Variants in UBE3A observed in about 807,000 individuals in gnomAD.
UBE3A encodes ubiquitin protein ligase E3A, also known as ubiquitin-protein ligase E3A.
Under a neutral mutation model 83.4 loss-of-function variants are expected in UBE3A, and 6 were observed. That is an observed-to-expected ratio of 0.07 (90% CI 0.04 to 0.14). UBE3A has a LOEUF of 0.14. Ranked by LOEUF, UBE3A falls within the 10% of genes least tolerant of loss-of-function variation. The pLI is 1.00. For synonymous variants in UBE3A, 337 were observed against 355.4 expected (o/e 0.95, Z 0.58); for missense variants, 456 against 1,036.1 (o/e 0.44, Z 7.69).
At chr15:25,435,343 C>T (rs1169333635) in intron 1 of UBE3A, among the ~76,000 whole-genome samples, 1 of 152,118 alleles carries the variant, frequency 6.6e-6, no homozygotes. Flanking sequence ...CTTAGCTCAG[C>T]TCATAGAAGC....
rs1203988471 is a variant in UBE3A, at chr15:25,422,181, G to GGAA, written c.-164-10213_-164-10211dup. ...ATGCCAAGTGAAAGAAACCAGGCAT[G>GGAA]GAAGAGTACATGTTACTTGATTCCA... On this transcript the variant is annotated intron_variant, in intron 1 of 12. Transcript: ENST00000648336. Among the ~76,000 whole-genome samples the GGAA allele has an allele frequency of 4.6e-5, 7 of 152,264 alleles. No individual in the cohort carries two copies. In the South Asian group the frequency reaches 8.3e-4, roughly 18 times the overall value.
intron 5 of UBE3A, chr15:25,374,573 A>G (rs948203133): frequency 1.3e-5 from 2 of 152,232 alleles, no homozygotes; most frequent in Non-Finnish European, 2.9e-5. Context: ...TGACGAAAAT[A>G]ATTTTATTGT....
At position 25,356,627 on chromosome 15, in the gene UBE3A, A is replaced by G. The variant is rs1000420702; in HGVS notation, c.1959+64T>C. On this transcript the variant is annotated intron_variant, in intron 8 of 12. Transcript: ENST00000648336. ...ACAAAAACTTTAAAATTTTGACATAAATTAAATTTTTGCATTTAAATAAAA... is the reference window on the plus strand; with the variant it reads ...ACAAAAACTTTAAAATTTTGACATAGATTAAATTTTTGCATTTAAATAAAA... 2.0e-6 allele frequency: 3 copies of G among 1,494,326 alleles called. No homozygotes were observed. In the Admixed American group the frequency reaches 5.4e-5, roughly 27 times the overall value. 92.6% of individuals were successfully genotyped at this position (1,494,326 alleles called of 1,614,324 possible).
At chr15:25,386,561 G>C (rs2083178337) in intron 4 of UBE3A, among the ~76,000 whole-genome samples, 1 of 152,042 alleles carries the variant, frequency 6.6e-6, no homozygotes, top group African/African-American at 2.4e-5. Context: ...GAGAAATGAA[G>C]AATGCCTTTG....
chr15:25,405,548 CA>C (rs35086186), intron 3 of UBE3A, 46 bp from the exon 4 acceptor site: 537 of 1,552,278 alleles, frequency 3.5e-4, no homozygotes, highest in Non-Finnish European at 4.0e-4. Flanking sequence ...TTCCATATTC[CA>C]AAAAAAAAGG....
chr15:25,409,065 G>A (rs754810910), intron 3 of UBE3A, 23 bp downstream of exon 3: 46 of 1,578,870 alleles, frequency 2.9e-5, no homozygotes, highest in Non-Finnish European at 3.7e-5. Flanking sequence ...CCTTTTAAAG[G>A]CTGTAAAATA....
chr15:25,356,177 A>G, intron 8 of UBE3A, 121 bp from the exon 9 acceptor site: 1 of 1,231,868 alleles, frequency 8.1e-7, no homozygotes. Context: ...AAAAGTGTAG[A>G]CAGTATCCCT....
In UBE3A at chr15:25,336,963, T is replaced by G. The variant is rs916273626; in HGVS notation, c.*2174A>C. 6.6e-6 allele frequency: 1 copy of G among 152,102 alleles called. No individual in the cohort carries two copies. Among genetic ancestry groups the G allele is most frequent in the Non-Finnish European group, 1.5e-5 (1 of 68,018 alleles). The allele number at this position is 152,102 out of a possible 1,614,324, so 9.4% of individuals were successfully genotyped here. On this transcript the variant is annotated 3_prime_UTR_variant, in exon 13 of 13. Coordinates refer to ENST00000648336, the MANE Select transcript of UBE3A (RefSeq NM_130839.5). ...TCCTTATTGTTCAGGGACATTCCAT[T>G]AAATAGTAATGAAAAGGCAGCAAAA... is the stretch of plus-strand genomic sequence containing the variant.
chr15:25,364,879 C>T (rs2078821818), intron 6 of UBE3A, among the ~76,000 whole-genome samples: 1 of 152,002 alleles, frequency 6.6e-6, no homozygotes, highest in South Asian at 2.1e-4. Flanking sequence ...GTCTCCTGAC[C>T]TTGTGATCTG....
chr15:25,337,148 C>CAATT lies in UBE3A; in HGVS notation c.*1985_*1988dup, dbSNP rs973542477. 1 of 152,086 alleles carries CAATT rather than the reference C, an allele frequency of 6.6e-6. No individual in the cohort carries two copies. Among genetic ancestry groups the CAATT allele is most frequent in the Non-Finnish European group, 1.5e-5 (1 of 68,006 alleles). The allele number at this position is 152,086 out of a possible 1,614,324, so 9.4% of individuals were successfully genotyped here. ...CAACTCTATATCTGATAACCTATTTCAATTACCACTTTAAAACTTGTCATA... is the reference window on the plus strand; with the variant it reads ...CAACTCTATATCTGATAACCTATTTCAATTAATTACCACTTTAAAACTTGTCATA... On this transcript the variant is annotated 3_prime_UTR_variant, in exon 13 of 13. Coordinates refer to ENST00000648336, the MANE Select transcript of UBE3A (RefSeq NM_130839.5).
chr15:25,361,538 T>C (rs1022258554), intron 6 of UBE3A, among the ~76,000 whole-genome samples: 3 of 152,038 alleles, frequency 2.0e-5, no homozygotes, highest in Admixed American at 1.3e-4. Context: ...GTAACCTCAT[T>C]GAGATTAATC....
chr15:25,413,473 C>CT (rs376562863), intron 1 of UBE3A, among the ~76,000 whole-genome samples: 7 of 152,244 alleles, frequency 4.6e-5, no homozygotes, highest in East Asian at 1.9e-4. Context: ...TTAAAACTGT[C>CT]TAAGTTTTGT....
intron 1 of UBE3A, chr15:25,438,226 C>G (rs1895744341): frequency 6.6e-6 from 1 of 152,586 alleles, no homozygotes; most frequent in Non-Finnish European, 1.5e-5. Context: ...TCCCGCCCCG[C>G]CCCGGGCCCG....
intron 2 of UBE3A, among the ~76,000 whole-genome samples, chr15:25,410,460 T>C (rs2089750533): frequency 1.3e-5 from 2 of 152,042 alleles, no homozygotes; most frequent in Admixed American, 1.3e-4. Context: ...GATTCCCCTA[T>C]CCAGGCCAAA....
intron 5 of UBE3A, chr15:25,375,074 C>T: frequency 5.0e-6 from 1 of 201,268 alleles, no homozygotes; most frequent in South Asian, 8.3e-5. Context: ...AAAAAACCCA[C>T]TGTTTCCTCT....
intron 4 of UBE3A, among the ~76,000 whole-genome samples, chr15:25,397,760 C>T (rs1416946836): frequency 6.6e-6 from 1 of 152,104 alleles, no homozygotes; most frequent in Non-Finnish European, 1.5e-5. Flanking sequence ...CTGTTCTGGT[C>T]AATTAAACCC....
rs994158206 is a variant in UBE3A, at chr15:25,382,193, C to T, written c.63-6430G>A. ...AAAATTAGCTGGGCGCCGTGGTGGG[C>T]GCCTATAGTCCCAGCTACTTGGGAG... is the stretch of plus-strand genomic sequence containing the variant. On this transcript the variant is annotated intron_variant, in intron 4 of 12. Transcript: ENST00000648336. Among the ~76,000 whole-genome samples the T allele has an allele frequency of 2.6e-5, 4 of 151,832 alleles. No individual in the cohort carries two copies. The East Asian group carries it at 5.8e-4, about 22-fold the overall frequency.
In UBE3A at chr15:25,337,661, CTACAG is replaced by C. The variant is rs1241038508; in HGVS notation, c.*1471_*1475del. 6.6e-6 allele frequency: 1 copy of C among 152,074 alleles called. No homozygotes were observed. The highest frequency in any genetic ancestry group is 1.5e-5 in the Non-Finnish European group (1 of 67,990). 9.4% of individuals were successfully genotyped at this position (152,074 alleles called of 1,614,324 possible). On this transcript the variant is annotated 3_prime_UTR_variant, in exon 13 of 13. Coordinates refer to ENST00000648336, the MANE Select transcript of UBE3A (RefSeq NM_130839.5). Reference sequence around the variant, plus strand: ...CAAACAAACAAATCATCAGGTTGATCTACAGTAATCAGTTAAAACAATCAGTCAAT... The same window carrying C: ...CAAACAAACAAATCATCAGGTTGATCTAATCAGTTAAAACAATCAGTCAAT...
At chr15:25,413,748 T>C (rs2090412330) in intron 1 of UBE3A, among the ~76,000 whole-genome samples, 1 of 152,202 alleles carries the variant, frequency 6.6e-6, no homozygotes, top group Non-Finnish European at 1.5e-5. Flanking sequence ...ATTTTTCTTG[T>C]AAAGTTTCCA....
Sources: gnomAD v4.1 joint callset for allele counts (sites outside exome capture counted in the v4.1 genomes callset) on GRCh38, gnomAD v4.1.1 for gene constraint, MANE v1.5 for transcripts, NCBI Gene and HGNC (gene_info 2026-07-23, HGNC 2026-07-21) for gene names.